PITPNC1: variants seen among roughly 807,000 people sequenced by gnomAD.
PITPNC1 encodes cytoplasmic phosphatidylinositol transfer protein 1.
In PITPNC1, 18 loss-of-function variants were observed where a neutral mutation model predicts 44.7. The observed-to-expected ratio is 0.40, with a 90% confidence interval of 0.28 to 0.60. The LOEUF (loss-of-function observed/expected upper bound fraction) is 0.60, where lower values mean the gene tolerates loss of function less well. Among genes scored for constraint, PITPNC1 ranks in the 20% least tolerant of loss-of-function variants. The pLI is 0.39. For synonymous variants in PITPNC1, 141 were observed against 149.6 expected (o/e 0.94, Z 0.42); for missense variants, 290 against 418.4 (o/e 0.69, Z 2.68).
chr17:67,623,762 A>G (rs143313161), intron 5 of PITPNC1, among the ~76,000 whole-genome samples: 45 of 152,326 alleles, frequency 3.0e-4, no homozygotes, highest in African/African-American at 9.6e-4. Context: ...CTAAGCCTGG[A>G]TCTTAAACCA....
At chr17:67,538,510 G>A (rs927112020) in intron 2 of PITPNC1, among the ~76,000 whole-genome samples, 3 of 152,198 alleles carry the variant, frequency 2.0e-5, no homozygotes, top group African/African-American at 7.2e-5. Flanking sequence ...TGAAGTGGGA[G>A]GATTGTTTGA....
At chr17:67,424,478 G>A (rs2038715937) in intron 1 of PITPNC1, among the ~76,000 whole-genome samples, 1 of 152,054 alleles carries the variant, frequency 6.6e-6, no homozygotes, top group South Asian at 2.1e-4. Flanking sequence ...CCAACATGGT[G>A]AAACCTTGTC....
At chr17:67,381,200 C>T (rs897819354) in intron 1 of PITPNC1, among the ~76,000 whole-genome samples, 1 of 151,110 alleles carries the variant, frequency 6.6e-6, no homozygotes, top group Non-Finnish European at 1.5e-5. Flanking sequence ...TGGTGGCGGG[C>T]GCCTGTAGTC....
At chr17:67,417,033 A>G (rs1275490488) in intron 1 of PITPNC1, among the ~76,000 whole-genome samples, 1 of 151,796 alleles carries the variant, frequency 6.6e-6, no homozygotes, top group East Asian at 2.0e-4. Context: ...ACTGGTCTCA[A>G]AAACTCCCGA....
At chr17:67,665,758 G>C (rs1251860244) in intron 6 of PITPNC1, among the ~76,000 whole-genome samples, 2 of 152,112 alleles carry the variant, frequency 1.3e-5, no homozygotes, top group African/African-American at 4.8e-5. Flanking sequence ...CCAGACCCAT[G>C]ACAGGGGAAG....
At chr17:67,630,544 A>T (rs1003721301) in intron 5 of PITPNC1, among the ~76,000 whole-genome samples, 28 of 152,058 alleles carry the variant, frequency 1.8e-4, no homozygotes, top group African/African-American at 6.8e-4. Flanking sequence ...GCTTGAACCC[A>T]GGAGGCGGAG....
intron 1 of PITPNC1, among the ~76,000 whole-genome samples, chr17:67,380,221 C>G (rs953515735): frequency 2.0e-5 from 3 of 151,952 alleles, no homozygotes; most frequent in African/African-American, 7.3e-5. Flanking sequence ...ATTACAGGTG[C>G]CTGCCACCAC....
chr17:67,462,514 G>GTTCCT (rs766873290), intron 1 of PITPNC1, among the ~76,000 whole-genome samples: 23,846 of 151,826 alleles, frequency 0.16, 1,919 homozygotes, highest in East Asian at 0.27. Flanking sequence ...ATACAGGCGT[G>GTTCCT]AGCCACCGTG....
At chr17:67,503,016 G>A (rs1397389034) in intron 1 of PITPNC1, among the ~76,000 whole-genome samples, 8 of 152,110 alleles carry the variant, frequency 5.3e-5, no homozygotes, top group Non-Finnish European at 7.4e-5. Flanking sequence ...GGCTGGTCTC[G>A]AACTCATGAC....
At chr17:67,452,378 A>T (rs1178743147) in intron 1 of PITPNC1, among the ~76,000 whole-genome samples, 1 of 151,910 alleles carries the variant, frequency 6.6e-6, no homozygotes. Context: ...TTGTTTATTC[A>T]TCACCAGTTG....
At chr17:67,517,113 T>C (rs886516782) in intron 1 of PITPNC1, among the ~76,000 whole-genome samples, 4 of 152,364 alleles carry the variant, frequency 2.6e-5, no homozygotes, top group Admixed American at 2.6e-4. Flanking sequence ...TGAGGCATAA[T>C]GAAAAGATGC....
chr17:67,448,048 C>A (rs373952678), intron 1 of PITPNC1, among the ~76,000 whole-genome samples: 94 of 152,114 alleles, frequency 6.2e-4, no homozygotes, highest in African/African-American at 2.2e-3. Flanking sequence ...CAGGTTCCAG[C>A]GATTCTCCTG....
chr17:67,426,497 C>CT (rs1436549806), intron 1 of PITPNC1, among the ~76,000 whole-genome samples: 1 of 152,000 alleles, frequency 6.6e-6, no homozygotes, highest in African/African-American at 2.4e-5. Flanking sequence ...CCTCAACAAA[C>CT]TAACAGAGGA....
rs550415959 is a variant in PITPNC1, at chr17:67,380,899, G to C, written c.48+2697G>C. On this transcript the variant is annotated intron_variant, in intron 1 of 8. Coordinates refer to ENST00000581322, the MANE Select transcript of PITPNC1 (RefSeq NM_012417.4). ...AGTGATCCTCCCATCTCAGCCTCCT[G>C]AGTAGCTGGGACAATAGGTGTGTGC... Among the ~76,000 whole-genome samples, 12 of 152,014 alleles carry C rather than the reference G, an allele frequency of 7.9e-5. 1 individual carries two copies. In the South Asian group the frequency reaches 8.3e-4, roughly 11 times the overall value.
chr17:67,568,595 T>C (rs2041012110), intron 4 of PITPNC1, among the ~76,000 whole-genome samples: 1 of 152,072 alleles, frequency 6.6e-6, no homozygotes, highest in South Asian at 2.1e-4. Flanking sequence ...AGTGTGATCA[T>C]AGCTCACTGC....
At chr17:67,644,459 G>C (rs779296260) in intron 6 of PITPNC1, among the ~76,000 whole-genome samples, 1 of 118,768 alleles carries the variant, frequency 8.4e-6, no homozygotes, top group Non-Finnish European at 1.6e-5. Context: ...TTTTGAGACA[G>C]AGTCTCACTC....
At chr17:67,586,598 G>GA (rs111765556) in intron 5 of PITPNC1, among the ~76,000 whole-genome samples, 2,817 of 146,488 alleles carry the variant, frequency 0.019, 42 homozygotes, top group South Asian at 0.049. Flanking sequence ...TCCATCTCAG[G>GA]AAAAAAAAAA....
At chr17:67,654,617 C>G (rs1216779008) in intron 6 of PITPNC1, among the ~76,000 whole-genome samples, 1 of 152,124 alleles carries the variant, frequency 6.6e-6, no homozygotes, top group Non-Finnish European at 1.5e-5. Context: ...TTAAGTCTTG[C>G]AACAACCCGC....
At chr17:67,681,153 CAT>C in intron 8 of PITPNC1, among the ~76,000 whole-genome samples, 1 of 152,288 alleles carries the variant, frequency 6.6e-6, no homozygotes, top group Non-Finnish European at 1.5e-5. Flanking sequence ...GCCTTTCAAA[CAT>C]ATGATCTTGC....
Sources: gnomAD v4.1 joint callset for allele counts (sites outside exome capture counted in the v4.1 genomes callset) on GRCh38, gnomAD v4.1.1 for gene constraint, MANE v1.5 for transcripts, NCBI Gene and HGNC (gene_info 2026-07-23, HGNC 2026-07-21) for gene names.